KCNJ1: variants seen among roughly 807,000 people sequenced by gnomAD.
KCNJ1 encodes the protein potassium inwardly rectifying channel subfamily J member 1.
A neutral mutation model predicts 21.9 loss-of-function variants in KCNJ1; 24 were observed. The observed-to-expected ratio is 1.10, with a 90% confidence interval of 0.79 to 1.54. The LOEUF (loss-of-function observed/expected upper bound fraction) is 1.54. Ranked by LOEUF, KCNJ1 falls within the 40% of genes most tolerant of loss-of-function variation. The pLI is 0.00. For missense variants in KCNJ1, 457 were observed against 455.4 expected, an observed-to-expected ratio of 1.00 and a Z score of -0.03; for synonymous variants, 152 against 160.9, an observed-to-expected ratio of 0.94 and a Z score of 0.42.
intron 1 of KCNJ1, among the ~76,000 whole-genome samples, chr11:128,861,200 C>CT (rs2135960731): frequency 1.3e-5 from 2 of 152,330 alleles, no homozygotes; most frequent in East Asian, 3.9e-4. Context: ...CACATGGCTA[C>CT]GCAGGCAAAG....
chr11:128,854,356 C>T (rs145492729), intron 1 of KCNJ1, among the ~76,000 whole-genome samples: 2 of 152,144 alleles, frequency 1.3e-5, no homozygotes, highest in African/African-American at 2.4e-5. Flanking sequence ...GAGTCAGCAG[C>T]GCGGATGTTC....
chr11:128,852,937 A>G (rs1943503226), intron 1 of KCNJ1, among the ~76,000 whole-genome samples: 2 of 152,256 alleles, frequency 1.3e-5, no homozygotes, highest in African/African-American at 2.4e-5. Flanking sequence ...TGGTACCTAC[A>G]AAAGGCCTGC....
At chr11:128,849,699 A>G (rs1460821147) in intron 2 of KCNJ1, among the ~76,000 whole-genome samples, 1 of 152,044 alleles carries the variant, frequency 6.6e-6, no homozygotes, top group Non-Finnish European at 1.5e-5. Flanking sequence ...TACACTGTCC[A>G]GCATCATACT....
At chr11:128,860,984 C>T (rs1943696340) in intron 1 of KCNJ1, among the ~76,000 whole-genome samples, 1 of 152,196 alleles carries the variant, frequency 6.6e-6, no homozygotes, top group South Asian at 2.1e-4. Flanking sequence ...AACTCCAGGG[C>T]AGGGAGCATC....
intron 2 of KCNJ1, among the ~76,000 whole-genome samples, chr11:128,841,939 A>G (rs535798761): frequency 6.6e-6 from 1 of 152,340 alleles, no homozygotes; most frequent in South Asian, 2.1e-4. Flanking sequence ...GGGATGGTGC[A>G]TGTGAGGTAC....
chr11:128,864,784 C>A (rs962013121), intron 1 of KCNJ1, among the ~76,000 whole-genome samples: 6 of 152,002 alleles, frequency 3.9e-5, no homozygotes, highest in African/African-American at 1.5e-4. Flanking sequence ...CTCGCCTGTC[C>A]CCATCACTCT....
At chr11:128,860,053 C>A (rs1223233013) in intron 1 of KCNJ1, among the ~76,000 whole-genome samples, 1 of 152,194 alleles carries the variant, frequency 6.6e-6, no homozygotes, top group Non-Finnish European at 1.5e-5. Flanking sequence ...GAGGGCACTG[C>A]GCAAGAGAGG....
At chr11:128,853,044 C>T (rs1225271798) in intron 1 of KCNJ1, among the ~76,000 whole-genome samples, 1 of 152,248 alleles carries the variant, frequency 6.6e-6, no homozygotes, top group Non-Finnish European at 1.5e-5. Context: ...TTTATTTCCA[C>T]TTATTTGCCA....
At chr11:128,858,185 G>C (rs191107962) in intron 1 of KCNJ1, among the ~76,000 whole-genome samples, 29 of 151,138 alleles carry the variant, frequency 1.9e-4, no homozygotes, top group African/African-American at 6.1e-4. Flanking sequence ...CGAGGGATGG[G>C]GAGGGATGAG....
At chr11:128,858,849 G>A (rs1314940309) in intron 1 of KCNJ1, among the ~76,000 whole-genome samples, 2 of 152,212 alleles carry the variant, frequency 1.3e-5, no homozygotes, top group African/African-American at 2.4e-5. Flanking sequence ...GTAGCTATAT[G>A]TCTACCTTGG....
rs537744792 is a variant in KCNJ1, at chr11:128,856,540, G to T, written c.-191-5650C>A. Among the ~76,000 whole-genome samples the T allele has an allele frequency of 2.0e-5, 3 of 152,346 alleles. No homozygotes were observed. In the South Asian group the frequency reaches 6.2e-4, roughly 32 times the overall value. ...TGATGTACGCTGGGACAGCACATCT[G>T]GGCATAGGCATCTTGGACTGAAATT... On this transcript the variant is annotated intron_variant, in intron 1 of 2. Coordinates refer to ENST00000392666, the MANE Select transcript of KCNJ1 (RefSeq NM_153766.3).
intron 2 of KCNJ1, among the ~76,000 whole-genome samples, chr11:128,841,807 G>C (rs1943286484): frequency 6.6e-6 from 1 of 152,142 alleles, no homozygotes; most frequent in Admixed American, 6.5e-5. Flanking sequence ...TTGAGGGCAG[G>C]TTCTAAAGAC....
Position 128,839,604 on chromosome 11 carries a change from T to A in KCNJ1, c.640A>T (p.Thr214Ser). ...GTCTCTCCTTCAGGAGTGACTGTGGTCTTCAGAAGCTTTCCATAAATGTGA... is the reference window on the plus strand; with the variant it reads ...GTCTCTCCTTCAGGAGTGACTGTGGACTTCAGAAGCTTTCCATAAATGTGA... ...GSHIYGKLLK[T>S]TVTPEGETII... Residue 214 changes from threonine (T) to serine (S), a missense_variant, in exon 3 of 3, where the codon ACC becomes TCC. Physicochemically the swap from Thr to Ser is moderately conservative, Grantham distance 58. Transcript: ENST00000392666. 2 of 1,614,082 alleles carry A rather than the reference T, an allele frequency of 1.2e-6. No homozygotes were observed. Among genetic ancestry groups the A allele is most frequent in the Non-Finnish European group, 1.7e-6 (2 of 1,180,014 alleles).
At chr11:128,843,515 T>C (rs1943324733) in intron 2 of KCNJ1, among the ~76,000 whole-genome samples, 1 of 152,232 alleles carries the variant, frequency 6.6e-6, no homozygotes, top group Admixed American at 6.5e-5. Context: ...ATAGACATTT[T>C]GTGCACTTCC....
At chr11:128,848,148 C>T (rs547492103) in intron 2 of KCNJ1, among the ~76,000 whole-genome samples, 18 of 150,402 alleles carry the variant, frequency 1.2e-4, no homozygotes, top group African/African-American at 2.9e-4. Context: ...ATTAGCCGGG[C>T]GTGGTGGCGG....
At chr11:128,846,345 T>G (rs1943378913) in intron 2 of KCNJ1, among the ~76,000 whole-genome samples, 1 of 152,188 alleles carries the variant, frequency 6.6e-6, no homozygotes, top group Admixed American at 6.5e-5. Context: ...ATAGTAATTA[T>G]GCAATAAATA....
At chr11:128,844,259 G>A (rs1339704934) in intron 2 of KCNJ1, among the ~76,000 whole-genome samples, 1 of 152,148 alleles carries the variant, frequency 6.6e-6, no homozygotes, top group Non-Finnish European at 1.5e-5. Flanking sequence ...AAACATGGGG[G>A]AGCTGAAAGA....
intron 1 of KCNJ1, among the ~76,000 whole-genome samples, chr11:128,851,327 A>G (rs1250857217): frequency 6.6e-6 from 1 of 152,246 alleles, no homozygotes; most frequent in Non-Finnish European, 1.5e-5. Context: ...ATCATATTAC[A>G]TATGCATTAG....
intron 1 of KCNJ1, among the ~76,000 whole-genome samples, chr11:128,858,178 G>A (rs1045943319): frequency 6.6e-6 from 1 of 151,238 alleles, no homozygotes; most frequent in African/African-American, 2.4e-5. Context: ...GGGATGGCGA[G>A]GGATGGGGAG....
Sources: allele counts gnomAD v4.1 joint callset (sites outside exome capture counted in the v4.1 genomes callset), GRCh38; gene constraint gnomAD v4.1.1; transcripts MANE v1.5; gene names NCBI Gene and HGNC (gene_info 2026-07-23, HGNC 2026-07-21).